Variants in CCDC171 observed in about 807,000 individuals in gnomAD.
CCDC171 encodes coiled-coil domain-containing protein 171.
A neutral mutation model predicts 168.2 loss-of-function variants in CCDC171; 177 were observed. That is an observed-to-expected ratio of 1.05 (90% confidence interval 0.93 to 1.19). CCDC171 has a LOEUF of 1.19. Ranked by LOEUF, CCDC171 falls within the 50% of genes most tolerant of loss-of-function variation. The pLI is 0.00. For missense variants in CCDC171, 1,991 were observed against 1,539.0 expected, an observed-to-expected ratio of 1.29 and a Z score of -4.91; for synonymous variants, 687 against 540.8, an observed-to-expected ratio of 1.27 and a Z score of -3.75.
chr9:15,633,248 G>C (rs1395296088), intron 7 of CCDC171, among the ~76,000 whole-genome samples: 3 of 152,018 alleles, frequency 2.0e-5, no homozygotes, highest in South Asian at 4.1e-4. Flanking sequence ...CTACACAATG[G>C]GAGAAAAGTT....
intron 4 of CCDC171, among the ~76,000 whole-genome samples, chr9:16,021,534 G>C (rs1278614846): frequency 6.6e-6 from 1 of 152,176 alleles, no homozygotes; most frequent in Non-Finnish European, 1.5e-5. Context: ...GCTGGCTGAG[G>C]AATCAAAACC....
intron 2 of CCDC171, among the ~76,000 whole-genome samples, chr9:15,567,401 A>G (rs1198332368): frequency 1.3e-5 from 2 of 152,182 alleles, no homozygotes; most frequent in Admixed American, 6.5e-5. Flanking sequence ...TTGTTCTTCA[A>G]GATTGTTTTG....
chr9:15,711,212 A>G (rs1042118133), intron 11 of CCDC171, among the ~76,000 whole-genome samples: 1 of 152,220 alleles, frequency 6.6e-6, no homozygotes, highest in Non-Finnish European at 1.5e-5. Flanking sequence ...ACTGTTAAAT[A>G]AATTTTACTA....
At chr9:15,623,204 G>A in intron 6 of CCDC171, 63 bp from the exon 7 acceptor site, 1 of 1,210,000 alleles carries the variant, frequency 8.3e-7, no homozygotes, top group Non-Finnish European at 1.1e-6. Flanking sequence ...TCTTCTATTG[G>A]AGTGACTCTT....
intron 23 of CCDC171, among the ~76,000 whole-genome samples, chr9:15,866,480 C>T (rs986767992): frequency 4.6e-5 from 7 of 151,844 alleles, no homozygotes; most frequent in African/African-American, 9.7e-5. Flanking sequence ...AGGATGATTC[C>T]CCTGATGGGG....
chr9:16,086,549 G>A, the CCDC171 span, among the ~76,000 whole-genome samples: 2 of 151,842 alleles, frequency 1.3e-5, no homozygotes, highest in Non-Finnish European at 2.9e-5. Context: ...CTTGTGATCT[G>A]CCCGCCTCAG....
At chr9:15,846,515 A>C (rs549892523) in intron 21 of CCDC171, among the ~76,000 whole-genome samples, 187 bp from the exon 22 acceptor site, 1 of 152,256 alleles carries the variant, frequency 6.6e-6, no homozygotes, top group East Asian at 1.9e-4. Context: ...CCCAAACCTT[A>C]TCAGTTCTAT....
chr9:15,608,541 T>C (rs970121365), intron 6 of CCDC171, among the ~76,000 whole-genome samples: 2 of 152,172 alleles, frequency 1.3e-5, no homozygotes, highest in Non-Finnish European at 2.9e-5. Context: ...AAATTTCCAC[T>C]TCCTTGACAT....
intron 25 of CCDC171, among the ~76,000 whole-genome samples, chr9:15,923,934 T>A (rs1450464579): frequency 6.6e-6 from 1 of 151,304 alleles, no homozygotes; most frequent in Non-Finnish European, 1.5e-5. Flanking sequence ...AACATTCCAG[T>A]GAGAAGGATG....
rs1191233711 is a variant in CCDC171, at chr9:15,604,095, G to T, written c.675+9923G>T. 3.2e-3 allele frequency among the ~76,000 whole-genome samples: 471 copies of T among 145,816 alleles called. 5 individuals are homozygous for T. The East Asian group carries it at 0.051, about 16-fold the overall frequency. ...TATGTCCTTTGCCCACTTTTTGATG[G>T]TTTTTTTTTTTCTTGTAGATTTGTT... is the stretch of plus-strand genomic sequence containing the variant. On this transcript the variant is annotated intron_variant, in intron 6 of 25. Coordinates refer to ENST00000380701, the MANE Select transcript of CCDC171 (RefSeq NM_173550.4).
At chr9:15,846,235 C>T (rs886241250) in intron 21 of CCDC171, among the ~76,000 whole-genome samples, 1 of 152,032 alleles carries the variant, frequency 6.6e-6, no homozygotes, top group Non-Finnish European at 1.5e-5. Context: ...ACTCTTTCAT[C>T]TTGGGTTTAC....
At chr9:15,745,978 A>G (rs2055246244) in intron 18 of CCDC171, among the ~76,000 whole-genome samples, 1 of 151,922 alleles carries the variant, frequency 6.6e-6, no homozygotes, top group African/African-American at 2.4e-5. Flanking sequence ...CTGGCTGTAA[A>G]TTTCATAAGC....
intron 21 of CCDC171, among the ~76,000 whole-genome samples, chr9:15,787,880 T>A (rs2058050916): frequency 6.6e-6 from 1 of 152,210 alleles, no homozygotes; most frequent in South Asian, 2.1e-4. Context: ...TATAAGCATA[T>A]TGGTCATTAA....
chr9:15,842,757 G>C (rs1437343755), intron 21 of CCDC171, among the ~76,000 whole-genome samples: 1 of 151,674 alleles, frequency 6.6e-6, no homozygotes, highest in East Asian at 1.9e-4. Flanking sequence ...GTTTTCATAG[G>C]TGTGAGATAA....
exon 1 of CCDC171, chr9:16,042,804 A>G (rs1409144463): frequency 2.0e-5 from 3 of 152,142 alleles, no homozygotes; most frequent in Admixed American, 6.5e-5. Flanking sequence ...ATAGTTCATT[A>G]AAGAAGATGA....
chr9:15,659,089 T>G (rs992312441), intron 8 of CCDC171, among the ~76,000 whole-genome samples: 1 of 152,200 alleles, frequency 6.6e-6, no homozygotes, highest in African/African-American at 2.4e-5. Context: ...TTTGAACATG[T>G]TGACTTTGAG....
chr9:15,871,971 A>G (rs866948849), intron 23 of CCDC171, among the ~76,000 whole-genome samples: 70 of 152,014 alleles, frequency 4.6e-4, no homozygotes, highest in African/African-American at 1.6e-3. Flanking sequence ...CTTTTCCTAG[A>G]AATATTTGAG....
chr9:15,897,663 C>A (rs976871915), intron 24 of CCDC171, among the ~76,000 whole-genome samples: 1 of 151,964 alleles, frequency 6.6e-6, no homozygotes, highest in African/African-American at 2.4e-5. Flanking sequence ...AAGGGGTTTG[C>A]TTTGTATCTT....
chr9:15,554,343 T>C (rs1391494121), intron 1 of CCDC171, among the ~76,000 whole-genome samples: 1 of 152,192 alleles, frequency 6.6e-6, no homozygotes, highest in Non-Finnish European at 1.5e-5. Flanking sequence ...ATTTAACTGT[T>C]AGTTCCTACT....
Sources: allele counts gnomAD v4.1 joint callset (sites outside exome capture counted in the v4.1 genomes callset), GRCh38; gene constraint gnomAD v4.1.1; transcripts MANE v1.5; gene names NCBI Gene and HGNC (gene_info 2026-07-23, HGNC 2026-07-21).